Variants in EFCAB8 observed in about 807,000 individuals in gnomAD.
The protein encoded by EFCAB8 is EF-hand calcium binding domain 8, also known as EF-hand calcium-binding domain-containing protein 8.
In EFCAB8, 100 loss-of-function variants were observed where a neutral mutation model predicts 116.3. The observed-to-expected ratio is 0.86, with a 90% CI of 0.73 to 1.02. The LOEUF is 1.02. EFCAB8 is among the 50% of genes least tolerant of loss of function. EFCAB8 has a pLI of 0.00. For missense variants in EFCAB8, 1,320 were observed against 1,416.9 expected, an observed-to-expected ratio of 0.93 and a Z score of 1.10; for synonymous variants, 558 against 567.9, an observed-to-expected ratio of 0.98 and a Z score of 0.25.
intron 8 of EFCAB8, 45 bp from the exon 9 acceptor site, chr20:32,893,129 C>T (rs1462852545): frequency 6.5e-7 from 1 of 1,550,086 alleles, no homozygotes; most frequent in Non-Finnish European, 8.7e-7. Context: ...GTGTGAGCCA[C>T]CGCGCCCAGC....
chr20:32,881,038 C>T (rs1041621513), intron 5 of EFCAB8, among the ~76,000 whole-genome samples: 3 of 152,210 alleles, frequency 2.0e-5, no homozygotes, highest in African/African-American at 7.2e-5. Context: ...AATAATTCAT[C>T]CCATCCATCA....
At chr20:32,863,999 C>CA (rs1164824724) in intron 2 of EFCAB8, among the ~76,000 whole-genome samples, 165 bp downstream of exon 2, 3 of 151,156 alleles carry the variant, frequency 2.0e-5, no homozygotes, top group Non-Finnish European at 4.4e-5. Context: ...TTTTTTGAGA[C>CA]AGAGTCTCGC....
At chr20:32,913,663 A>G (rs146617002) in intron 17 of EFCAB8, among the ~76,000 whole-genome samples, 5 of 150,750 alleles carry the variant, frequency 3.3e-5, no homozygotes, top group Admixed American at 3.3e-4. Flanking sequence ...CTCAAGCTAC[A>G]ATTCATTCTG....
intron 7 of EFCAB8, among the ~76,000 whole-genome samples, chr20:32,889,856 C>T (rs988036216): frequency 7.9e-5 from 12 of 152,062 alleles, no homozygotes; most frequent in Non-Finnish European, 1.2e-4. Flanking sequence ...ACAAAAGTTA[C>T]CTGGGAGTGG....
At chr20:32,950,016 ACAAAAC>A (rs1308011450) in intron 23 of EFCAB8, among the ~76,000 whole-genome samples, 104 of 151,176 alleles carry the variant, frequency 6.9e-4, no homozygotes, top group African/African-American at 2.4e-3. Flanking sequence ...AAACAAAACA[ACAAAAC>A]AACAACAACA....
At chr20:32,878,970 C>A (rs1985162510) in intron 5 of EFCAB8, among the ~76,000 whole-genome samples, 163 bp downstream of exon 5, 1 of 152,148 alleles carries the variant, frequency 6.6e-6, no homozygotes, top group Non-Finnish European at 1.5e-5. Flanking sequence ...ACCTCACAGC[C>A]CTGTAAGTGT....
chr20:32,870,814 T>G (rs1311576492), intron 3 of EFCAB8, among the ~76,000 whole-genome samples: 1 of 152,108 alleles, frequency 6.6e-6, no homozygotes, highest in Admixed American at 6.6e-5. Flanking sequence ...CTATGACCTT[T>G]GGAAATAAAT....
In EFCAB8 at chr20:32,889,313, C is replaced by T. The variant is rs376588862; in HGVS notation, c.580C>T (p.Gln194Ter). The T allele has an allele frequency of 6.4e-7, 1 of 1,551,700 alleles. No homozygotes were observed. The highest frequency in any genetic ancestry group is 1.7e-4 in the Middle Eastern group (1 of 5,984). ...TTCCTCTGGCCAGCTTAACCAGACC[C>T]AGCAGCTCTACAACCAGCCGATGTG... Reference protein sequence around the residue: ...LMSSFRLNQTQQLYNQPMWVI... With the variant: ...LMSSFRLNQT The change falls in exon 7 of 27, where the codon CAG becomes TAG. Residue 194 changes from glutamine (Q) to a stop codon, truncating the protein, a stop_gained. Transcript: ENST00000400522. LOFTEE classifies it high-confidence loss of function.
At chr20:32,863,430 T>C (rs1984224254) in intron 1 of EFCAB8, among the ~76,000 whole-genome samples, 1 of 152,180 alleles carries the variant, frequency 6.6e-6, no homozygotes, top group Admixed American at 6.5e-5. Flanking sequence ...GACTACCACA[T>C]GGCCTCCTAA....
Position 32,958,488 on chromosome 20 carries a change from A to G in EFCAB8, c.3027A>G (p.Ala1009=). ...GTGATGGTCCTCGTGAAAACAGAGCAAGCTTAGAGGAAGATGGTGACTCCA... is the reference window on the plus strand; with the variant it reads ...GTGATGGTCCTCGTGAAAACAGAGCGAGCTTAGAGGAAGATGGTGACTCCA... The part of the protein sequence containing the change: ...DACDGPRENR[A]SLEEDGDSTG... Residue 1009 remains alanine (A), a synonymous_variant, in exon 24 of 27, where the codon GCA becomes GCG. Coordinates refer to ENST00000400522, the MANE Select transcript of EFCAB8 (RefSeq NM_001143967.2). 1 of 416,882 alleles carries G rather than the reference A, an allele frequency of 2.4e-6. No homozygotes were observed. Among genetic ancestry groups the G allele is most frequent in the Non-Finnish European group, 4.4e-6 (1 of 226,434 alleles). 25.8% of individuals were successfully genotyped at this position (416,882 alleles called of 1,614,324 possible). A position where few individuals can be genotyped will look rare whatever the true frequency, so the allele number is the denominator to read the frequency against.
At chr20:32,904,645 G>A (rs1468056116) in intron 11 of EFCAB8, among the ~76,000 whole-genome samples, 1 of 146,010 alleles carries the variant, frequency 6.8e-6, no homozygotes. Context: ...CGGGGTGGGG[G>A]TACTGAGTCT....
In EFCAB8 at chr20:32,908,257, C is replaced by T; in HGVS notation, c.1309-18C>T. On this transcript the variant is annotated intron_variant, in intron 13 of 26. Coordinates refer to ENST00000400522, the MANE Select transcript of EFCAB8 (RefSeq NM_001143967.2). ...CCGAGACCCATGCTCAGCGTCTTGCCTTTTTCCCATCCCCCAGAATATTCG... is the reference window on the plus strand; with the variant it reads ...CCGAGACCCATGCTCAGCGTCTTGCTTTTTTCCCATCCCCCAGAATATTCG... The T allele has an allele frequency of 2.4e-6, 3 of 1,249,810 alleles. No homozygotes were observed. The highest frequency in any genetic ancestry group is 3.0e-6 in the Non-Finnish European group (3 of 988,262). The allele number at this position is 1,249,810 out of a possible 1,614,324, so 77.4% of individuals were successfully genotyped here. A position where few individuals can be genotyped will look rare whatever the true frequency, so the allele number is the denominator to read the frequency against.
At chr20:32,879,098 C>T (rs1347067832) in intron 5 of EFCAB8, among the ~76,000 whole-genome samples, 1 of 152,236 alleles carries the variant, frequency 6.6e-6, no homozygotes, top group African/African-American at 2.4e-5. Flanking sequence ...GTGTTTGGCC[C>T]TCTCAGCCCC....
chr20:32,941,077 C>A (rs1280845940), intron 22 of EFCAB8, among the ~76,000 whole-genome samples: 1 of 149,194 alleles, frequency 6.7e-6, no homozygotes, highest in African/African-American at 2.5e-5. Context: ...CATGGTGTAA[C>A]CCCGTCTCTA....
intron 19 of EFCAB8, 38 bp from the exon 20 acceptor site, chr20:32,920,040 A>G: frequency 6.4e-7 from 1 of 1,551,416 alleles, no homozygotes; most frequent in Non-Finnish European, 8.7e-7. Flanking sequence ...GAAGGGAAAC[A>G]CCCTCATGGT....
intron 22 of EFCAB8, among the ~76,000 whole-genome samples, chr20:32,941,116 A>G (rs1988395402): frequency 6.7e-6 from 1 of 149,250 alleles, no homozygotes; most frequent in African/African-American, 2.5e-5. Flanking sequence ...GCAGGGCATG[A>G]TGGCGGGTGC....
chr20:32,875,540 T>C (rs1984926710), intron 3 of EFCAB8, among the ~76,000 whole-genome samples: 1 of 143,252 alleles, frequency 7.0e-6, no homozygotes, highest in Non-Finnish European at 1.6e-5. Flanking sequence ...TTTTCTCTCT[T>C]GTTGCCCAGG....
Position 32,961,486 on chromosome 20 carries a change from C to A in EFCAB8, c.3744C>A (p.Ser1248=), listed in dbSNP as rs1989151713. The A allele has an allele frequency of 2.3e-5, 33 of 1,448,914 alleles. No homozygotes were observed. Among genetic ancestry groups the A allele is most frequent in the Non-Finnish European group, 3.0e-5 (33 of 1,097,340 alleles). The allele number at this position is 1,448,914 out of a possible 1,614,324, so 89.8% of individuals were successfully genotyped here. A position where few individuals can be genotyped will look rare whatever the true frequency, so the allele number is the denominator to read the frequency against. ...CCCCCTCGGTCCCATCCCCGGTGTC[C>A]AAGTCCACCCTGCAGGGGTCAGTGA... ...HSTPSVPSPV[S]KSTLQGSVTP... Residue 1248 remains serine, a synonymous_variant, in exon 27 of 27, where the codon TCC becomes TCA. Coordinates refer to ENST00000400522, the MANE Select transcript of EFCAB8 (RefSeq NM_001143967.2).
At chr20:32,899,748 A>AT (rs1986342327) in intron 11 of EFCAB8, among the ~76,000 whole-genome samples, 1 of 151,704 alleles carries the variant, frequency 6.6e-6, no homozygotes, top group African/African-American at 2.4e-5. Flanking sequence ...CTAATTTTGT[A>AT]TTTTTAGTAG....
Sources: allele counts gnomAD v4.1 joint callset (sites outside exome capture counted in the v4.1 genomes callset), GRCh38; gene constraint gnomAD v4.1.1; transcripts MANE v1.5; gene names NCBI Gene and HGNC (gene_info 2026-07-23, HGNC 2026-07-21).